SLAIN2: variants seen among roughly 807,000 people sequenced by gnomAD.
SLAIN2 encodes SLAIN family member 2.
In SLAIN2, 31 loss-of-function variants were observed where a neutral mutation model predicts 56.6. That is an observed-to-expected ratio of 0.55 (90% CI 0.41 to 0.74). SLAIN2 has a LOEUF of 0.74. Among genes scored for constraint, SLAIN2 ranks in the 30% least tolerant of loss-of-function variants. The probability of loss-of-function intolerance (pLI) is 0.00; values close to 1 mark genes in which losing one functional copy is unlikely to be tolerated. For synonymous variants in SLAIN2, 317 were observed against 284.9 expected (o/e 1.11, Z -1.13); for missense variants, 777 against 754.2 (o/e 1.03, Z -0.35).
At chr4:48,350,098 C>A (rs1486128444) in intron 1 of SLAIN2, among the ~76,000 whole-genome samples, 1 of 152,152 alleles carries the variant, frequency 6.6e-6, no homozygotes, top group Non-Finnish European at 1.5e-5. Flanking sequence ...ATCAGATCTA[C>A]CTAAATAAAT....
intron 6 of SLAIN2, among the ~76,000 whole-genome samples, chr4:48,396,734 A>G (rs1271588257): frequency 2.6e-5 from 4 of 152,312 alleles, no homozygotes; most frequent in Admixed American, 2.0e-4. Context: ...ATGAACCTGT[A>G]CAATTGTCTA....
intron 6 of SLAIN2, among the ~76,000 whole-genome samples, chr4:48,384,902 ACTTT>A (rs1209431309): frequency 6.6e-6 from 1 of 152,156 alleles, no homozygotes; most frequent in East Asian, 1.9e-4. Flanking sequence ...AACCCAAGCA[ACTTT>A]CTTAGAAAGC....
At chr4:48,367,186 TA>T (rs1715542855) in intron 1 of SLAIN2, among the ~76,000 whole-genome samples, 1 of 152,228 alleles carries the variant, frequency 6.6e-6, no homozygotes, top group Non-Finnish European at 1.5e-5. Context: ...CTGGCAGGTT[TA>T]GAAGTATGTA....
intron 1 of SLAIN2, among the ~76,000 whole-genome samples, chr4:48,361,181 G>C (rs977045147): frequency 3.6e-4 from 55 of 152,174 alleles, no homozygotes; most frequent in Non-Finnish European, 3.2e-4. Context: ...TTTTCCTGAA[G>C]AATTGAAATT....
Position 48,368,051 on chromosome 4 carries a change from CT to C in SLAIN2, c.390-1785del, listed in dbSNP as rs36096623. ...TTCACTGAACGTAGTGTTTTTGAGG[CT>C]TTTTTTTTTTTTGACAGTGTTGCTC... On this transcript the variant is annotated intron_variant, in intron 1 of 7. Coordinates refer to ENST00000264313, the MANE Select transcript of SLAIN2 (RefSeq NM_020846.2). 3.3e-3 allele frequency among the ~76,000 whole-genome samples: 293 copies of C among 88,762 alleles called. 18 individuals are homozygous for C. The highest frequency in any genetic ancestry group is 6.5e-3 in the Middle Eastern group (1 of 154). The allele number at this position is 88,762 out of a possible 152,430, so 58.2% of individuals were successfully genotyped here.
chr4:48,370,742 T>A (rs1221466710), intron 2 of SLAIN2, among the ~76,000 whole-genome samples: 1 of 152,244 alleles, frequency 6.6e-6, no homozygotes, highest in Non-Finnish European at 1.5e-5. Flanking sequence ...TTTCTCTCAG[T>A]CTGTTTTATG....
intron 1 of SLAIN2, among the ~76,000 whole-genome samples, chr4:48,349,964 C>CAA (rs143442004): frequency 6.6e-6 from 1 of 151,238 alleles, no homozygotes; most frequent in Admixed American, 6.6e-5. Flanking sequence ...TTTAATTGGG[C>CAA]AAAAAAAACA....
chr4:48,392,925 G>A (rs1397891735), intron 6 of SLAIN2, among the ~76,000 whole-genome samples: 1 of 148,190 alleles, frequency 6.7e-6, no homozygotes, highest in African/African-American at 2.5e-5. Context: ...AACAGTACCT[G>A]GAATAAAGCA....
In SLAIN2 at chr4:48,342,054, G is replaced by C. The variant is rs1714724849; in HGVS notation, c.315G>C (p.Leu105Phe). The stretch of plus-strand genomic sequence containing the variant: ...TGCTAGCGGCGGGCGAGGGCGGCTT[G>C]CTGGACGAGGTGGAGCCGCTGCGGC... Reference protein sequence around the residue: ...TSLLAAGEGGLLDEVEPLRPD... With the variant: ...TSLLAAGEGGFLDEVEPLRPD... The change falls in exon 1 of 8, where the codon TTG becomes TTC. Residue 105 changes from leucine to phenylalanine, a missense_variant. Leu to Phe is a conservative substitution (Grantham distance 22). Transcript: ENST00000264313. 1 of 1,391,004 alleles carries C rather than the reference G, an allele frequency of 7.2e-7. No homozygotes were observed. The allele number at this position is 1,391,004 out of a possible 1,614,324, so 86.2% of individuals were successfully genotyped here. A position where few individuals can be genotyped will look rare whatever the true frequency, so the allele number is the denominator to read the frequency against.
chr4:48,364,873 AGGGAGGGGGAGG>A (rs375928233), intron 1 of SLAIN2, among the ~76,000 whole-genome samples: 7 of 44,874 alleles, frequency 1.6e-4, no homozygotes, highest in South Asian at 8.0e-4. Flanking sequence ...GAGACGGGAG[AGGGAGGGGGAGG>A]GGGAGGGGGA....
Position 48,369,963 on chromosome 4 carries a change from A to C in SLAIN2, c.504A>C (p.Lys168Asn). 3 of 1,613,604 alleles carry C rather than the reference A, an allele frequency of 1.9e-6. No homozygotes were observed. Among genetic ancestry groups the C allele is most frequent in the Non-Finnish European group, 2.5e-6 (3 of 1,179,666 alleles). ...YPSPDVECAK[K>N]SLIHKLDQTM... is the part of the protein sequence containing the mutation. The stretch of plus-strand genomic sequence containing the variant: ...GTCCTGATGTTGAGTGTGCTAAAAA[A>C]TCTCTTATCCACAAACTTGATCAAA... Residue 168 changes from lysine (K) to asparagine (N), a missense_variant, in exon 2 of 8, where the codon AAA (lysine) becomes AAC (asparagine). By Grantham distance (94) the Lys-to-Asn change is moderately conservative (BLOSUM62 0). Coordinates refer to ENST00000264313, the MANE Select transcript of SLAIN2 (RefSeq NM_020846.2).
In SLAIN2 at chr4:48,342,131, G is replaced by A. The variant is rs1179214056; in HGVS notation, c.389+3G>A. On this transcript the variant is annotated splice_donor_region_variant and intron_variant, in intron 1 of 7. Transcript: ENST00000264313. Reference sequence around the variant, plus strand: ...TGGGAGGAGGAGGAGGAGAGCTGGTGAGCGCGAGGCGCCGGGCAGGAGCTG... The same window carrying A: ...TGGGAGGAGGAGGAGGAGAGCTGGTAAGCGCGAGGCGCCGGGCAGGAGCTG... The A allele has an allele frequency of 3.7e-6, 5 of 1,350,420 alleles. No individual in the cohort carries two copies. In the Admixed American group the frequency reaches 1.2e-4, roughly 33 times the overall value. 83.7% of individuals were successfully genotyped at this position (1,350,420 alleles called of 1,614,324 possible).
At position 48,382,654 on chromosome 4, in the gene SLAIN2, C is replaced by A. The variant is rs769311989; in HGVS notation, c.949C>A (p.Gln317Lys). ...NSTRRGTFSD[Q>K]ELDAQSLDDE... ...TACAAGACGGGGTACTTTTAGTGAT[C>A]AGGAACTTGATGCACAAAGTTTAGA... The change falls in exon 5 of 8, where the codon CAG (glutamine) becomes AAG (lysine). Residue 317 changes from glutamine (Q) to lysine (K), a missense_variant. Physicochemically the swap from Gln to Lys is moderately conservative, Grantham distance 53. Transcript: ENST00000264313. The A allele has an allele frequency of 6.2e-7, 1 of 1,613,762 alleles. No individual in the cohort carries two copies. Among genetic ancestry groups the A allele is most frequent in the Non-Finnish European group, 8.5e-7 (1 of 1,179,800 alleles).
Position 48,342,711 on chromosome 4 carries a change from C to CTTTTTTTTTTTTTTTTTT in SLAIN2, c.389+590_389+607dup, listed in dbSNP as rs761272695. ...GAAGAGAGGGCAGAGGATGGTGCTG[C>CTTTTTTTTTTTTTTTTTT]TTTTTTTTTTTTTTTTTTTTTTTTG... On this transcript the variant is annotated intron_variant, in intron 1 of 7. Coordinates refer to ENST00000264313, the MANE Select transcript of SLAIN2 (RefSeq NM_020846.2). 3.0e-4 allele frequency among the ~76,000 whole-genome samples: 20 copies of CTTTTTTTTTTTTTTTTTT among 65,946 alleles called. 2 individuals carry two copies. The highest frequency in any genetic ancestry group is 5.0e-4 in the African/African-American group (8 of 15,984). 43.3% of individuals were successfully genotyped at this position (65,946 alleles called of 152,430 possible).
At chr4:48,400,351 TCTC>T (rs1716514501) in intron 6 of SLAIN2, among the ~76,000 whole-genome samples, 1 of 151,586 alleles carries the variant, frequency 6.6e-6, no homozygotes, top group African/African-American at 2.4e-5. Flanking sequence ...CTGGTGATAT[TCTC>T]CTTATAATTT....
At chr4:48,358,954 C>T (rs1478856397) in intron 1 of SLAIN2, among the ~76,000 whole-genome samples, 2 of 152,034 alleles carry the variant, frequency 1.3e-5, no homozygotes, top group Non-Finnish European at 1.5e-5. Context: ...CTCCTGACCT[C>T]GGGTGATCCG....
At position 48,383,038 on chromosome 4, in the gene SLAIN2, C is replaced by T. The variant is rs78943181; in HGVS notation, c.1222+111C>T. ...TCAAAATTAGCTGGGCATGGTGGTG[C>T]ACATCTATAGTCCTAGTGACTTGAG... On this transcript the variant is annotated intron_variant, in intron 5 of 7. Transcript: ENST00000264313. The T allele has an allele frequency of 5.2e-4, 601 of 1,148,734 alleles. 2 individuals are homozygous for T. In the African/African-American group the frequency reaches 8.9e-3, roughly 17 times the overall value. 71.2% of individuals were successfully genotyped at this position (1,148,734 alleles called of 1,614,324 possible).
At chr4:48,408,586 A>G (rs1395411476) in intron 6 of SLAIN2, among the ~76,000 whole-genome samples, 1 of 151,916 alleles carries the variant, frequency 6.6e-6, no homozygotes, top group East Asian at 1.9e-4. Flanking sequence ...AAATTAAAAA[A>G]CACTTGTAGA....
intron 6 of SLAIN2, among the ~76,000 whole-genome samples, chr4:48,400,957 C>A (rs965699693): frequency 6.6e-6 from 1 of 152,044 alleles, no homozygotes; most frequent in Non-Finnish European, 1.5e-5. Context: ...TTAACATTGC[C>A]TTAGCTGCAT....
Sources: gnomAD v4.1 joint callset for allele counts (sites outside exome capture counted in the v4.1 genomes callset) on GRCh38, gnomAD v4.1.1 for gene constraint, MANE v1.5 for transcripts, NCBI Gene and HGNC (gene_info 2026-07-23, HGNC 2026-07-21) for gene names.